SLCO2A1: variants seen among roughly 807,000 people sequenced by gnomAD.
SLCO2A1 encodes the protein solute carrier organic anion transporter family member 2A1.
SLCO2A1 carries 60 observed loss-of-function variants against 71.7 expected under a neutral mutation model. The ratio of observed to expected loss-of-function variants is 0.84; its 90% CI spans 0.68 to 1.04. The LOEUF (loss-of-function observed/expected upper bound fraction) is 1.04. Among genes scored for constraint, SLCO2A1 ranks in the 50% least tolerant of loss-of-function variants. The pLI is 0.00. For missense variants in SLCO2A1, 745 were observed against 813.4 expected (o/e 0.92, Z 1.02); for synonymous variants, 308 against 326.7 (o/e 0.94, Z 0.62).
At chr3:134,022,025 C>A in intron 1 of SLCO2A1, among the ~76,000 whole-genome samples, 2 of 146,170 alleles carry the variant, frequency 1.4e-5, no homozygotes, top group African/African-American at 2.5e-5. Flanking sequence ...GAGGAAACCT[C>A]ATTGTGAGCA....
intron 1 of SLCO2A1, among the ~76,000 whole-genome samples, chr3:133,990,303 C>T (rs981239748): frequency 2.0e-5 from 3 of 152,188 alleles, no homozygotes; most frequent in Non-Finnish European, 4.4e-5. Context: ...TGATTTTTCT[C>T]CTTTTTCTTC....
chr3:133,981,928 T>C (rs1288115744), intron 1 of SLCO2A1, among the ~76,000 whole-genome samples: 1 of 145,122 alleles, frequency 6.9e-6, no homozygotes, highest in African/African-American at 2.6e-5. Context: ...TGAGCTGAGA[T>C]TGTGCCACTG....
At chr3:134,001,651 A>G (rs529342968) in intron 1 of SLCO2A1, among the ~76,000 whole-genome samples, 5 of 152,156 alleles carry the variant, frequency 3.3e-5, no homozygotes, top group Non-Finnish European at 7.4e-5. Flanking sequence ...GGGTAAGGAA[A>G]GGTGGGAGAA....
At chr3:133,957,428 C>G in intron 3 of SLCO2A1, among the ~76,000 whole-genome samples, 1 of 152,082 alleles carries the variant, frequency 6.6e-6, no homozygotes, top group South Asian at 2.1e-4. Context: ...TTACTGTGAG[C>G]AGGAGACTAC....
At chr3:133,972,619 A>T (rs1934350875) in intron 3 of SLCO2A1, among the ~76,000 whole-genome samples, 1 of 152,210 alleles carries the variant, frequency 6.6e-6, no homozygotes, top group African/African-American at 2.4e-5. Flanking sequence ...AAAAGAACAA[A>T]TACTAAATAG....
intron 1 of SLCO2A1, among the ~76,000 whole-genome samples, chr3:134,003,495 G>C (rs1935144126): frequency 6.6e-6 from 1 of 152,204 alleles, no homozygotes; most frequent in African/African-American, 2.4e-5. Context: ...GGAAGGCATG[G>C]ACAGAATGCC....
chr3:133,955,087 G>T lies in SLCO2A1; in HGVS notation c.504C>A (p.Ser168Arg). Residue 168 changes from serine (S) to arginine (R), a missense_variant, in exon 4 of 14, where the codon AGC (serine) becomes AGA (arginine). By Grantham distance (110) the Ser-to-Arg change is moderately radical (BLOSUM62 -1). Transcript: ENST00000310926. ...TTQNPQKETSSMWGLMVVAQL... is the reference protein window; with the variant it reads ...TTQNPQKETSRMWGLMVVAQL... ...GGGCAACCACCATCAGGCCCCACATGCTGCTGGTCTCCTTCTGGGGGTTCT... is the reference window on the plus strand; with the variant it reads ...GGGCAACCACCATCAGGCCCCACATTCTGCTGGTCTCCTTCTGGGGGTTCT... 1 of 1,614,186 alleles carries T rather than the reference G, an allele frequency of 6.2e-7. No homozygotes were observed. The highest frequency in any genetic ancestry group is 1.1e-5 in the South Asian group (1 of 91,082).
At chr3:133,999,338 G>C (rs1935052471) in intron 1 of SLCO2A1, among the ~76,000 whole-genome samples, 1 of 152,236 alleles carries the variant, frequency 6.6e-6, no homozygotes, top group South Asian at 2.1e-4. Context: ...AGCTTGGAGA[G>C]ATTTTATCAG....
At chr3:134,000,393 G>C (rs553872384) in intron 1 of SLCO2A1, among the ~76,000 whole-genome samples, 3 of 152,100 alleles carry the variant, frequency 2.0e-5, no homozygotes, top group Non-Finnish European at 4.4e-5. Flanking sequence ...TACAGCAAAG[G>C]GAAAAGGGCC....
Position 133,951,315 on chromosome 3 carries a change from G to C in SLCO2A1, c.754C>G (p.Arg252Gly). The change falls in exon 6 of 14, where the codon CGA becomes GGA. Residue 252 changes from arginine to glycine, a missense_variant. By Grantham distance (125) the Arg-to-Gly change is moderately radical. Transcript: ENST00000310926. ...AAVNLVPGDP[R>G]WIGAWWLGLL... ...CCTAGCCACCAGGCTCCAATCCATC[G>C]GGGGTCACCCGGGACCAAGTTAACT... 6.2e-7 allele frequency: 1 copy of C among 1,614,130 alleles called. No individual in the cohort carries two copies. The highest frequency in any genetic ancestry group is 8.5e-7 in the Non-Finnish European group (1 of 1,180,012).
intron 1 of SLCO2A1, among the ~76,000 whole-genome samples, chr3:133,996,626 C>T (rs1392722133): frequency 2.6e-5 from 4 of 152,196 alleles, no homozygotes; most frequent in Admixed American, 2.0e-4. Context: ...CATTTCCACA[C>T]CCCAGTCTGG....
intron 1 of SLCO2A1, among the ~76,000 whole-genome samples, chr3:134,020,718 G>A (rs1422040894): frequency 1.3e-5 from 2 of 148,884 alleles, no homozygotes; most frequent in Non-Finnish European, 3.0e-5. Context: ...TGAATTGCTT[G>A]ACAGGACTGG....
intron 13 of SLCO2A1, 77 bp from the exon 14 acceptor site, chr3:133,934,907 G>T: frequency 2.6e-6 from 3 of 1,166,368 alleles, no homozygotes; most frequent in Non-Finnish European, 3.8e-6. Context: ...CCACTGGGAA[G>T]AACCACATCA....
chr3:133,990,755 A>G (rs968403227), intron 1 of SLCO2A1, among the ~76,000 whole-genome samples: 2 of 152,126 alleles, frequency 1.3e-5, no homozygotes, highest in South Asian at 4.2e-4. Context: ...TAAGAGGCCA[A>G]TAAGGATAAA....
At chr3:133,967,458 G>T (rs776310273) in intron 3 of SLCO2A1, among the ~76,000 whole-genome samples, 1 of 152,232 alleles carries the variant, frequency 6.6e-6, no homozygotes, top group African/African-American at 2.4e-5. Flanking sequence ...CTTCTCTACC[G>T]CAGTCTAGTG....
chr3:133,956,456 G>A (rs1229412640), intron 3 of SLCO2A1, among the ~76,000 whole-genome samples: 2 of 152,230 alleles, frequency 1.3e-5, no homozygotes, highest in Admixed American at 1.3e-4. Flanking sequence ...GCTGTCATGG[G>A]AGCTCCCCCA....
rs1433214607 is a variant in SLCO2A1 at position 133,948,709 on chromosome 3, A to G, written c.941-9T>C. The G allele has an allele frequency of 6.2e-7, 1 of 1,612,312 alleles. No homozygotes were observed. The highest frequency in any genetic ancestry group is 8.5e-7 in the Non-Finnish European group (1 of 1,178,910). On this transcript the variant is annotated splice_polypyrimidine_tract_variant and intron_variant, in intron 7 of 13. Transcript: ENST00000310926. Reference sequence around the variant, plus strand: ...AAAGATGCATGGAAACCCTGTGAACAGACCGCTGTCAAGGCTCTGGCAGAA... The same window carrying G: ...AAAGATGCATGGAAACCCTGTGAACGGACCGCTGTCAAGGCTCTGGCAGAA...
At chr3:133,948,406 C>A in intron 8 of SLCO2A1, 130 bp downstream of exon 8, 1 of 899,038 alleles carries the variant, frequency 1.1e-6, no homozygotes, top group South Asian at 2.1e-5. Context: ...AATTCTTTCT[C>A]CTGGGCAGTC....
intron 1 of SLCO2A1, among the ~76,000 whole-genome samples, chr3:134,021,716 AC>A (rs1935583450): frequency 6.6e-6 from 1 of 152,128 alleles, no homozygotes; most frequent in African/African-American, 2.4e-5. Flanking sequence ...AGAGAGAGAG[AC>A]AAAGTCAAAG....
Sources: gnomAD v4.1 joint callset for allele counts (sites outside exome capture counted in the v4.1 genomes callset) on GRCh38, gnomAD v4.1.1 for gene constraint, MANE v1.5 for transcripts, NCBI Gene and HGNC (gene_info 2026-07-23, HGNC 2026-07-21) for gene names.